HYDIN: variants seen among roughly 807,000 people sequenced by gnomAD.
HYDIN encodes the protein axonemal central pair apparatus protein HYDIN.
Under a neutral mutation model 403.9 loss-of-function variants are expected in HYDIN, and 132 were observed. The ratio of observed to expected loss-of-function variants is 0.33; its 90% CI spans 0.28 to 0.38. HYDIN has a LOEUF of 0.38. Among genes scored for constraint, HYDIN ranks in the 10% least tolerant of loss-of-function variants. HYDIN has a pLI of 1.00. For synonymous variants in HYDIN, 1,202 were observed against 1,891.7 expected (o/e 0.64, Z 9.46); for missense variants, 2,827 against 5,009.5 (o/e 0.56, Z 13.15).
intron 5 of HYDIN, among the ~76,000 whole-genome samples, chr16:71,172,274 C>T (rs559053853): frequency 6.6e-6 from 1 of 152,294 alleles, no homozygotes; most frequent in South Asian, 2.1e-4. Context: ...GCTGCCTTTT[C>T]CGTATGACAA....
intron 30 of HYDIN, among the ~76,000 whole-genome samples, chr16:70,977,575 A>G (rs1191400244): frequency 2.0e-5 from 3 of 149,852 alleles, no homozygotes; most frequent in African/African-American, 4.9e-5. Context: ...CTCTTAACCA[A>G]CCTAAGGGCT....
intron 69 of HYDIN, 100 bp downstream of exon 69, chr16:70,861,948 G>A: frequency 8.6e-7 from 1 of 1,164,402 alleles, no homozygotes; most frequent in South Asian, 1.6e-5. Context: ...GGGATCTAGG[G>A]CCAGAAAGGA....
At chr16:70,991,275 G>T (rs1487113607) in intron 25 of HYDIN, 43 bp downstream of exon 25, 2 of 1,611,822 alleles carry the variant, frequency 1.2e-6, no homozygotes, top group Non-Finnish European at 1.7e-6. Context: ...TTATGGGAAG[G>T]ACCCTTGACC....
chr16:71,149,605 T>C (rs550566730), intron 7 of HYDIN, among the ~76,000 whole-genome samples: 156 of 152,174 alleles, frequency 1.0e-3, no homozygotes, highest in Non-Finnish European at 1.8e-3. Flanking sequence ...CTGCTCACTA[T>C]AACCTCCGCC....
At chr16:71,127,079 G>A (rs1050923567) in intron 9 of HYDIN, among the ~76,000 whole-genome samples, 2 of 152,080 alleles carry the variant, frequency 1.3e-5, no homozygotes, top group Non-Finnish European at 2.9e-5. Flanking sequence ...TAAGTAAGGA[G>A]ATTTAACATA....
chr16:70,903,033 T>C (rs981966955), intron 52 of HYDIN, among the ~76,000 whole-genome samples: 2 of 140,302 alleles, frequency 1.4e-5, no homozygotes, highest in African/African-American at 2.8e-5. Flanking sequence ...CATGACTCAC[T>C]GGAGGTAAGA....
chr16:71,230,664 C>G lies in HYDIN; in HGVS notation c.-126G>C, dbSNP rs2041246430. The G allele has an allele frequency of 6.5e-7, 1 of 1,536,118 alleles. No homozygotes were observed. The stretch of plus-strand genomic sequence containing the variant: ...CGCCGCTGAGGGGCTCCATACCCAG[C>G]TTGAAGCCGCCCGCACTCTCCATGC... On this transcript the variant is annotated 5_prime_UTR_variant, in exon 1 of 86. Transcript: ENST00000393567.
chr16:70,976,397 TTTTTAA>T (rs1381204203), intron 30 of HYDIN, among the ~76,000 whole-genome samples: 2 of 151,926 alleles, frequency 1.3e-5, no homozygotes, highest in Non-Finnish European at 2.9e-5. Flanking sequence ...GGAGATTTTG[TTTTTAA>T]TTTTATTTCC....
rs1340096564 is a variant in HYDIN, at chr16:71,117,870, C to T, written c.1228-2075G>A. 2.6e-5 allele frequency among the ~76,000 whole-genome samples: 4 copies of T among 151,964 alleles called. No individual in the cohort carries two copies. The East Asian group carries it at 7.7e-4, about 29-fold the overall frequency. On this transcript the variant is annotated intron_variant, in intron 9 of 85. Coordinates refer to ENST00000393567, the MANE Select transcript of HYDIN (RefSeq NM_001270974.2). ...TAACACAATCAGTCTTATCAGTATACTTTGCAGGCAGTGTCTTTCCTAACT... is the reference window on the plus strand; with the variant it reads ...TAACACAATCAGTCTTATCAGTATATTTTGCAGGCAGTGTCTTTCCTAACT...
At chr16:70,820,138 A>G (rs1342165389) in intron 83 of HYDIN, among the ~76,000 whole-genome samples, 3 of 133,320 alleles carry the variant, frequency 2.3e-5, no homozygotes, top group Non-Finnish European at 3.3e-5. Flanking sequence ...CTGTCTTTTA[A>G]TTGGAGTGTT....
At chr16:71,182,334 T>C (rs1160012325) in intron 3 of HYDIN, among the ~76,000 whole-genome samples, 2 of 151,954 alleles carry the variant, frequency 1.3e-5, no homozygotes, top group Non-Finnish European at 2.9e-5. Flanking sequence ...TTTGTGATAA[T>C]GGGGGCAGGG....
chr16:71,003,465 T>TA (rs987052810), intron 23 of HYDIN, among the ~76,000 whole-genome samples: 1 of 151,996 alleles, frequency 6.6e-6, no homozygotes, highest in Non-Finnish European at 1.5e-5. Context: ...TTTTTTTTTT[T>TA]ACCGCATTCT....
intron 23 of HYDIN, among the ~76,000 whole-genome samples, chr16:71,007,672 A>G (rs527559628): frequency 1.5e-5 from 2 of 135,536 alleles, no homozygotes; most frequent in South Asian, 2.4e-4. Flanking sequence ...GAGGCAGAGG[A>G]AAAAAGGGAA....
At chr16:71,209,441 C>A (rs1468436696) in intron 1 of HYDIN, among the ~76,000 whole-genome samples, 2 of 151,900 alleles carry the variant, frequency 1.3e-5, no homozygotes, top group African/African-American at 4.8e-5. Flanking sequence ...CAACATCATA[C>A]TGAATGGGCA....
chr16:71,181,924 C>T (rs1405779409), intron 3 of HYDIN, among the ~76,000 whole-genome samples: 1 of 152,054 alleles, frequency 6.6e-6, no homozygotes, highest in Non-Finnish European at 1.5e-5. Flanking sequence ...TAAAGCAGGA[C>T]AAGGAGATGG....
At chr16:70,960,599 G>T (rs1288799815) in intron 38 of HYDIN, among the ~76,000 whole-genome samples, 2 of 151,556 alleles carry the variant, frequency 1.3e-5, no homozygotes, top group Non-Finnish European at 2.9e-5. Context: ...AACAAAACTA[G>T]GATGACACTC....
At position 70,834,184 on chromosome 16, in the gene HYDIN, G is replaced by C. The variant is rs1411729544; in HGVS notation, c.13402-20C>G. ...AAGGACCTGAATGAAATAGCACCCA[G>C]AGTCAGCAGCTGAGGGTGGGAGGCC... On this transcript the variant is annotated intron_variant, in intron 78 of 85. Transcript: ENST00000393567. The C allele has an allele frequency of 4.3e-6, 7 of 1,612,680 alleles. No individual in the cohort carries two copies. The highest frequency in any genetic ancestry group is 2.2e-5 in the East Asian group (1 of 44,854).
intron 58 of HYDIN, among the ~76,000 whole-genome samples, chr16:70,884,545 A>G (rs2041011110): frequency 2.0e-5 from 3 of 152,122 alleles, no homozygotes; most frequent in Admixed American, 2.0e-4. Context: ...TTGACCTTAA[A>G]CAAATGACTT....
At chr16:70,853,590 C>T (rs551959090) in intron 73 of HYDIN, among the ~76,000 whole-genome samples, 2 of 147,534 alleles carry the variant, frequency 1.4e-5, no homozygotes, top group South Asian at 4.2e-4. Context: ...GTGAAAAAAA[C>T]CAATCACAAA....
Sources: allele counts gnomAD v4.1 joint callset (sites outside exome capture counted in the v4.1 genomes callset), GRCh38; gene constraint gnomAD v4.1.1; transcripts MANE v1.5; gene names NCBI Gene and HGNC (gene_info 2026-07-23, HGNC 2026-07-21).